Variants in RBFOX1 observed in about 807,000 individuals in gnomAD.
The protein encoded by RBFOX1 is RNA binding protein fox-1 homolog 1.
Under a neutral mutation model 57.7 loss-of-function variants are expected in RBFOX1, and 8 were observed. That is an observed-to-expected ratio of 0.14 (90% CI 0.08 to 0.25). RBFOX1 has a LOEUF of 0.25. Among genes scored for constraint, RBFOX1 ranks in the 10% least tolerant of loss-of-function variants. RBFOX1 has a pLI of 1.00. For synonymous variants in RBFOX1, 326 were observed against 222.4 expected, an observed-to-expected ratio of 1.47 and a Z score of -4.15; for missense variants, 611 against 548.5, an observed-to-expected ratio of 1.11 and a Z score of -1.14.
intron 12 of RBFOX1, among the ~76,000 whole-genome samples, chr16:7,654,890 A>C (rs1024861664): frequency 5.3e-5 from 8 of 152,176 alleles, no homozygotes; most frequent in African/African-American, 1.9e-4. Flanking sequence ...AGCCCCCAAC[A>C]AGAAAGAATT....
chr16:5,521,851 C>G (rs1335978065), intron 2 of RBFOX1, among the ~76,000 whole-genome samples: 5 of 152,148 alleles, frequency 3.3e-5, no homozygotes, highest in Admixed American at 1.3e-4. Flanking sequence ...TCTTCATATC[C>G]CTAGCTTTTG....
Position 6,227,913 on chromosome 16 carries a change from A to G in RBFOX1, c.-126-89082A>G, listed in dbSNP as rs191526439. 2.0e-5 allele frequency among the ~76,000 whole-genome samples: 3 copies of G among 152,330 alleles called. No homozygotes were observed. The South Asian group carries it at 6.2e-4, about 32-fold the overall frequency. ...AAAAAATTAAAAATAGAACTACCAT[A>G]TGATTCAGCAACCTCACTGCTGGAT... On this transcript the variant is annotated intron_variant, in intron 1 of 15. Transcript: ENST00000550418.
chr16:7,083,258 C>T (rs145557350), intron 4 of RBFOX1, among the ~76,000 whole-genome samples: 4 of 151,906 alleles, frequency 2.6e-5, no homozygotes, highest in Non-Finnish European at 5.9e-5. Flanking sequence ...TAACACCTCC[C>T]ACACTTGATT....
chr16:6,203,980 C>CTTTTT (rs60829829), intron 1 of RBFOX1, among the ~76,000 whole-genome samples: 2 of 137,730 alleles, frequency 1.5e-5, no homozygotes, highest in Admixed American at 7.3e-5. Flanking sequence ...TGTTTTGTTT[C>CTTTTT]TTTTTTTTTT....
chr16:6,205,567 T>G (rs1028909287), intron 1 of RBFOX1, among the ~76,000 whole-genome samples: 1 of 152,162 alleles, frequency 6.6e-6, no homozygotes, highest in African/African-American at 2.4e-5. Flanking sequence ...ATGGTTCCCC[T>G]GAATTAAATA....
intron 1 of RBFOX1, among the ~76,000 whole-genome samples, chr16:5,376,317 C>A (rs555764069): frequency 6.6e-6 from 1 of 152,080 alleles, no homozygotes; most frequent in Non-Finnish European, 1.5e-5. Context: ...TCAGTTGTGA[C>A]TGTTGTTGCT....
rs1284185515 is a variant in RBFOX1, at chr16:6,216,237, G to C, written c.-126-100758G>C. Among the ~76,000 whole-genome samples the C allele has an allele frequency of 2.0e-5, 3 of 152,014 alleles. No homozygotes were observed. In the East Asian group the frequency reaches 5.8e-4, roughly 29 times the overall value. Reference sequence around the variant, plus strand: ...TGAACAACAACCCCCCATGACACAAGTTTACCTATGGAACAAACCTGCACA... The same window carrying C: ...TGAACAACAACCCCCCATGACACAACTTTACCTATGGAACAAACCTGCACA... On this transcript the variant is annotated intron_variant, in intron 1 of 15. Transcript: ENST00000550418.
At chr16:6,655,978 G>A (rs759955761) in intron 3 of RBFOX1, among the ~76,000 whole-genome samples, 1 of 152,180 alleles carries the variant, frequency 6.6e-6, no homozygotes, top group Non-Finnish European at 1.5e-5. Context: ...GAAGAATAAT[G>A]ATACAGTAAG....
chr16:6,557,368 T>C (rs2097120201), intron 2 of RBFOX1, among the ~76,000 whole-genome samples: 1 of 152,066 alleles, frequency 6.6e-6, no homozygotes, highest in Non-Finnish European at 1.5e-5. Flanking sequence ...CTAAGAATTA[T>C]ACTCAAATCG....
chr16:7,049,168 G>T lies in RBFOX1; in HGVS notation c.-15-2889G>T, dbSNP rs572493337. ...TAATATTTGTTTTCTAGGGTTCCCT[G>T]TTTGTTGTCCTCCACCCAGAAAGCT... On this transcript the variant is annotated intron_variant, in intron 3 of 15. Coordinates refer to ENST00000550418, the MANE Select transcript of RBFOX1 (RefSeq NM_018723.4). Among the ~76,000 whole-genome samples the T allele has an allele frequency of 1.6e-3, 246 of 152,264 alleles. 2 individuals are homozygous for T. The highest frequency in any genetic ancestry group is 5.7e-3 in the African/African-American group (235 of 41,548).
At chr16:5,410,833 A>G (rs2067001392) in intron 1 of RBFOX1, among the ~76,000 whole-genome samples, 1 of 152,242 alleles carries the variant, frequency 6.6e-6, no homozygotes. Context: ...ACTTGAAGCT[A>G]GACATCAGAG....
Position 6,859,238 on chromosome 16 carries a change from G to T in RBFOX1, c.-15-192819G>T, listed in dbSNP as rs1272166251. Among the ~76,000 whole-genome samples, 7 of 134,984 alleles carry T rather than the reference G, an allele frequency of 5.2e-5. 1 individual carries two copies. Among genetic ancestry groups the T allele is most frequent in the Non-Finnish European group, 1.1e-4 (7 of 62,752 alleles). 88.6% of individuals were successfully genotyped at this position (134,984 alleles called of 152,430 possible). Reference sequence around the variant, plus strand: ...AAAAATTAGTTCCTCAATCCAATAAGAACATGATTCTGACTCTTTATAAAA... The same window carrying T: ...AAAAATTAGTTCCTCAATCCAATAATAACATGATTCTGACTCTTTATAAAA... On this transcript the variant is annotated intron_variant, in intron 3 of 15. Coordinates refer to ENST00000550418, the MANE Select transcript of RBFOX1 (RefSeq NM_018723.4).
chr16:6,223,073 G>T (rs2097387789), intron 1 of RBFOX1, among the ~76,000 whole-genome samples: 1 of 148,834 alleles, frequency 6.7e-6, no homozygotes, highest in Middle Eastern at 3.4e-3. Flanking sequence ...GTGTATATGT[G>T]CCACATTTTC....
At chr16:5,933,606 G>A (rs1024576590) in intron 4 of RBFOX1, among the ~76,000 whole-genome samples, 2 of 152,150 alleles carry the variant, frequency 1.3e-5, no homozygotes, top group Non-Finnish European at 2.9e-5. Flanking sequence ...ATTGTCTTGG[G>A]TCTAGCAGAC....
intron 10 of RBFOX1, 64 bp from the exon 11 acceptor site, chr16:7,630,539 G>C: frequency 2.5e-6 from 4 of 1,603,808 alleles, no homozygotes; most frequent in Non-Finnish European, 3.4e-6. Flanking sequence ...TTGCATTGCC[G>C]TGATCTCTCA....
intron 1 of RBFOX1, among the ~76,000 whole-genome samples, chr16:6,260,900 A>T (rs979806404): frequency 1.3e-5 from 2 of 152,192 alleles, no homozygotes; most frequent in African/African-American, 4.8e-5. Context: ...GAAAGAAAAA[A>T]AGAAAAGAAA....
intron 1 of RBFOX1, among the ~76,000 whole-genome samples, chr16:5,380,673 A>G (rs1479941964): frequency 6.6e-6 from 1 of 152,218 alleles, no homozygotes; most frequent in Non-Finnish European, 1.5e-5. Flanking sequence ...TGAGGTACAG[A>G]TGAGGAAACT....
intron 2 of RBFOX1, among the ~76,000 whole-genome samples, chr16:5,492,603 G>A (rs1004011966): frequency 1.3e-5 from 2 of 152,322 alleles, no homozygotes; most frequent in Non-Finnish European, 2.9e-5. Flanking sequence ...CCTGTGGCCA[G>A]AAGGACTTGT....
intron 1 of RBFOX1, among the ~76,000 whole-genome samples, chr16:5,242,933 C>G (rs889255420): frequency 1.3e-5 from 2 of 150,252 alleles, no homozygotes; most frequent in East Asian, 2.0e-4. Flanking sequence ...CCCCCAGGAG[C>G]CCCTGAGTGC....
Sources: allele counts gnomAD v4.1 joint callset (sites outside exome capture counted in the v4.1 genomes callset), GRCh38; gene constraint gnomAD v4.1.1; transcripts MANE v1.5; gene names NCBI Gene and HGNC (gene_info 2026-07-23, HGNC 2026-07-21).